Variants in ERCC6L2 observed in about 807,000 individuals in gnomAD.
ERCC6L2 encodes the protein ERCC excision repair 6 like 2.
A neutral mutation model predicts 132.0 loss-of-function variants in ERCC6L2; 77 were observed. The observed-to-expected ratio is 0.58, with a 90% CI of 0.49 to 0.71. ERCC6L2 has a LOEUF of 0.71. Ranked by LOEUF, ERCC6L2 falls within the 30% of genes least tolerant of loss-of-function variation. The pLI is 0.00. For synonymous variants in ERCC6L2, 583 were observed against 632.4 expected (o/e 0.92, Z 1.17); for missense variants, 1,542 against 1,837.6 (o/e 0.84, Z 2.94).
intron 2 of ERCC6L2, among the ~76,000 whole-genome samples, chr9:95,883,869 A>G (rs1048456621): frequency 4.6e-5 from 7 of 152,210 alleles, no homozygotes; most frequent in African/African-American, 9.6e-5. Context: ...ATACAAAAAA[A>G]GAAGAAACAT....
At chr9:95,997,728 T>A (rs1409537469) in intron 17 of ERCC6L2, among the ~76,000 whole-genome samples, 1 of 152,266 alleles carries the variant, frequency 6.6e-6, no homozygotes, top group African/African-American at 2.4e-5. Context: ...CTTTTATTAC[T>A]TGAATCTTCA....
intron 19 of ERCC6L2, among the ~76,000 whole-genome samples, chr9:96,029,398 G>A (rs950473956): frequency 6.6e-6 from 1 of 151,960 alleles, no homozygotes; most frequent in African/African-American, 2.4e-5. Context: ...TGAAAAGGAG[G>A]GAATACAAGA....
chr9:95,978,322 T>C, intron 17 of ERCC6L2, 107 bp downstream of exon 17: 1 of 591,702 alleles, frequency 1.7e-6, no homozygotes, highest in Non-Finnish European at 2.4e-6. Context: ...ACAAAAACTG[T>C]AAGTGACATA....
At chr9:95,882,985 G>C (rs1827674056) in intron 2 of ERCC6L2, among the ~76,000 whole-genome samples, 1 of 152,200 alleles carries the variant, frequency 6.6e-6, no homozygotes, top group Non-Finnish European at 1.5e-5. Flanking sequence ...CCCACAGACA[G>C]TTTTGTTTGT....
chr9:96,011,491 A>T (rs1412858099), intron 18 of ERCC6L2, among the ~76,000 whole-genome samples: 1 of 152,218 alleles, frequency 6.6e-6, no homozygotes, highest in East Asian at 1.9e-4. Flanking sequence ...TAGGGAAAGG[A>T]GCAGGGCTCA....
intron 17 of ERCC6L2, among the ~76,000 whole-genome samples, chr9:95,991,147 C>A (rs972273594): frequency 2.0e-4 from 30 of 151,942 alleles, no homozygotes; most frequent in African/African-American, 6.5e-4. Context: ...AAGGGGCAAG[C>A]CAGAAAGGCA....
At chr9:95,931,023 T>C (rs2132809919) in intron 11 of ERCC6L2, among the ~76,000 whole-genome samples, 1 of 152,344 alleles carries the variant, frequency 6.6e-6, no homozygotes, top group South Asian at 2.1e-4. Context: ...ATTACTATGT[T>C]TTTATAAACT....
At chr9:96,021,173 G>C (rs1303365375), downstream of ERCC6L2, 4 of 359,214 alleles carry the variant, frequency 1.1e-5, no homozygotes, top group Non-Finnish European at 2.2e-5. The surrounding 1 kb of genome is among the most constrained non-coding windows in gnomAD (Gnocchi z 4.7). Flanking sequence ...GGGCAGAGGC[G>C]GCTTCGCCTG....
Position 95,972,520 on chromosome 9 carries a change from AC to A in ERCC6L2, c.2772del (p.Leu925TrpfsTer13). 7.8e-7 allele frequency: 1 copy of A among 1,290,012 alleles called. No homozygotes were observed. Among genetic ancestry groups the A allele is most frequent in the South Asian group, 1.2e-5 (1 of 81,010 alleles). 79.9% of individuals were successfully genotyped at this position (1,290,012 alleles called of 1,614,324 possible). ...CCGACAATAGTATAAGGTTTAAGCC[AC>A]CCTTGGAAGGATCTGAGGATTCTGA... ...FPDNSIRFKP[P>X]LEGSEDSETE... is the part of the protein sequence containing the mutation. On this transcript the variant is annotated frameshift_variant, in exon 16 of 19. Coordinates refer to ENST00000653738, the MANE Select transcript of ERCC6L2 (RefSeq NM_020207.7). LOFTEE classifies it high-confidence loss of function.
intron 5 of ERCC6L2, 84 bp from the exon 6 acceptor site, chr9:95,916,143 G>A: frequency 8.2e-7 from 1 of 1,218,130 alleles, no homozygotes; most frequent in Non-Finnish European, 1.2e-6. Context: ...TGATAATCAA[G>A]TAATGTAGTA....
chr9:95,908,500 T>C (rs1425281427), intron 4 of ERCC6L2, among the ~76,000 whole-genome samples: 1 of 152,168 alleles, frequency 6.6e-6, no homozygotes, highest in East Asian at 1.9e-4. Context: ...TAAATTTTGG[T>C]TGTTTTAAGC....
chr9:96,020,719 G>A (rs1834271506), downstream of ERCC6L2: 1 of 452,506 alleles, frequency 2.2e-6, no homozygotes, highest in Admixed American at 2.4e-5. Context: ...GGAGAAACAT[G>A]CTTTGCGCTG....
At position 95,875,802 on chromosome 9, in the gene ERCC6L2, C is replaced by T; in HGVS notation, c.-237C>T. On this transcript the variant is annotated 5_prime_UTR_variant, in exon 1 of 19. Coordinates refer to ENST00000653738, the MANE Select transcript of ERCC6L2 (RefSeq NM_020207.7). ...GCTTTGCCAGCCTCACACAGCGTCCCCTGGCTCTGCCGCCGCTCCGGACGT... is the reference window on the plus strand; with the variant it reads ...GCTTTGCCAGCCTCACACAGCGTCCTCTGGCTCTGCCGCCGCTCCGGACGT... 1 of 575,758 alleles carries T rather than the reference C, an allele frequency of 1.7e-6. No homozygotes were observed. The highest frequency in any genetic ancestry group is 2.1e-5 in the South Asian group (1 of 47,784). The allele number at this position is 575,758 out of a possible 1,614,324, so 35.7% of individuals were successfully genotyped here.
chr9:95,881,421 C>A, intron 2 of ERCC6L2, 128 bp downstream of exon 2: 1 of 656,700 alleles, frequency 1.5e-6, no homozygotes, highest in Non-Finnish European at 2.3e-6. Context: ...TTGTGTTTGT[C>A]TCACTAACTA....
intron 11 of ERCC6L2, among the ~76,000 whole-genome samples, chr9:95,937,842 C>A (rs185570938): frequency 5.3e-5 from 8 of 150,422 alleles, no homozygotes; most frequent in Admixed American, 4.7e-4. Context: ...TATTTCCTTT[C>A]TTCTGCTTGC....
intron 10 of ERCC6L2, 188 bp downstream of exon 10, chr9:95,928,338 T>A: frequency 2.2e-6 from 1 of 461,902 alleles, no homozygotes; most frequent in Non-Finnish European, 3.8e-6. Context: ...GGTTGCTAAA[T>A]ATCAAACTCA....
intron 17 of ERCC6L2, among the ~76,000 whole-genome samples, chr9:95,984,619 T>G (rs542957107): frequency 2.9e-4 from 44 of 152,294 alleles, no homozygotes; most frequent in Non-Finnish European, 5.7e-4. Context: ...ACTTTCAAAT[T>G]TTTTATTATG....
At chr9:95,994,405 C>T (rs7864170) in intron 17 of ERCC6L2, among the ~76,000 whole-genome samples, 1,601 of 152,292 alleles carry the variant, frequency 0.011, 25 homozygotes, top group African/African-American at 0.036. Flanking sequence ...TTCTCACTGA[C>T]TTATCAGGCC....
At chr9:96,027,156 GCAC>G (rs966099753) in intron 19 of ERCC6L2, among the ~76,000 whole-genome samples, 5 of 120,954 alleles carry the variant, frequency 4.1e-5, no homozygotes, top group Admixed American at 1.6e-4. Flanking sequence ...CACCCCACAT[GCAC>G]CACACCACAC....
Sources: allele counts gnomAD v4.1 joint callset (sites outside exome capture counted in the v4.1 genomes callset), GRCh38; gene constraint gnomAD v4.1.1; non-coding constraint Gnocchi (gnomAD v3.1); transcripts MANE v1.5; gene names NCBI Gene and HGNC (gene_info 2026-07-23, HGNC 2026-07-21).